PUS7L: variants seen among roughly 807,000 people sequenced by gnomAD.
PUS7L encodes pseudouridylate synthase PUS7L.
In PUS7L, 49 loss-of-function variants were observed where a neutral mutation model predicts 51.1. The ratio of observed to expected loss-of-function variants is 0.96; its 90% confidence interval spans 0.76 to 1.22. PUS7L has a LOEUF of 1.22. PUS7L is among the 50% of genes most tolerant of loss of function. PUS7L has a pLI of 0.00. For synonymous variants in PUS7L, 277 were observed against 276.2 expected (o/e 1.00, Z -0.03); for missense variants, 828 against 820.6 (o/e 1.01, Z -0.11).
At chr12:43,731,425 AG>A (rs1441471408) in intron 8 of PUS7L, among the ~76,000 whole-genome samples, 1 of 152,164 alleles carries the variant, frequency 6.6e-6, no homozygotes, top group African/African-American at 2.4e-5. Flanking sequence ...AGGGGTTGCC[AG>A]GGGTGAGGGA....
rs532812124 is a variant in PUS7L, at chr12:43,720,157, A to G, written c.*10219T>C. On this transcript the variant is annotated 3_prime_UTR_variant, in exon 9 of 9. Coordinates refer to ENST00000344862, the MANE Select transcript of PUS7L (RefSeq NM_031292.5). ...TAGTATGGTTTAATATCATTGACTTAAAAATATTTTCTAATTTCATTTTGT... is the reference window on the plus strand; with the variant it reads ...TAGTATGGTTTAATATCATTGACTTGAAAATATTTTCTAATTTCATTTTGT... 4 of 152,194 alleles carry G rather than the reference A, an allele frequency of 2.6e-5. No homozygotes were observed. Among genetic ancestry groups the G allele is most frequent in the African/African-American group, 9.7e-5 (4 of 41,450 alleles). The allele number at this position is 152,194 out of a possible 1,614,324, so 9.4% of individuals were successfully genotyped here. A position where few individuals can be genotyped will look rare whatever the true frequency, so the allele number is the denominator to read the frequency against.
chr12:43,722,170 A>G lies in PUS7L; in HGVS notation c.*8206T>C, dbSNP rs1592151572. The stretch of plus-strand genomic sequence containing the variant: ...ACAGCTGTAACAAAGGGTATGTACT[A>G]TGGAGTAGTGACAGAAGCCACTTGA... On this transcript the variant is annotated 3_prime_UTR_variant, in exon 9 of 9. Transcript: ENST00000344862. 1 of 152,252 alleles carries G rather than the reference A, an allele frequency of 6.6e-6. No homozygotes were observed. Among genetic ancestry groups the G allele is most frequent in the Non-Finnish European group, 1.5e-5 (1 of 68,002 alleles). The allele number at this position is 152,252 out of a possible 1,614,324, so 9.4% of individuals were successfully genotyped here. A position where few individuals can be genotyped will look rare whatever the true frequency, so the allele number is the denominator to read the frequency against.
chr12:43,752,832 G>C (rs1362645920), intron 2 of PUS7L, among the ~76,000 whole-genome samples: 7 of 152,130 alleles, frequency 4.6e-5, no homozygotes, highest in African/African-American at 1.7e-4. Context: ...CCATGTGACT[G>C]TCCTCAATGC....
In PUS7L at chr12:43,736,307, A is replaced by G; in HGVS notation, c.1725+74T>C. Reference sequence around the variant, plus strand: ...ACATGTATGTTTAAAGTGTTTCTATAATCAGGGCTTTTGAAAAATTCATGT... The same window carrying G: ...ACATGTATGTTTAAAGTGTTTCTATGATCAGGGCTTTTGAAAAATTCATGT... On this transcript the variant is annotated intron_variant, in intron 7 of 8. Coordinates refer to ENST00000344862, the MANE Select transcript of PUS7L (RefSeq NM_031292.5). 6 of 1,242,154 alleles carry G rather than the reference A, an allele frequency of 4.8e-6. No homozygotes were observed. In the Admixed American group the frequency reaches 1.2e-4, roughly 25 times the overall value. 76.9% of individuals were successfully genotyped at this position (1,242,154 alleles called of 1,614,324 possible).
rs1479253900 is a variant in PUS7L at position 43,724,798 on chromosome 12, G to T, written c.*5578C>A. On this transcript the variant is annotated 3_prime_UTR_variant, in exon 9 of 9. Transcript: ENST00000344862. ...TTCATGTATTGGTATCATAATTACT[G>T]CTATGTCTATACTATTATTTATTTA... is the stretch of plus-strand genomic sequence containing the variant. 1 of 152,024 alleles carries T rather than the reference G, an allele frequency of 6.6e-6. No individual in the cohort carries two copies. The highest frequency in any genetic ancestry group is 2.4e-5 in the African/African-American group (1 of 41,412). The allele number at this position is 152,024 out of a possible 1,614,324, so 9.4% of individuals were successfully genotyped here.
rs996404850 is a variant in PUS7L, at chr12:43,724,669, C to T, written c.*5707G>A. 3.3e-5 allele frequency: 5 copies of T among 152,132 alleles called. No individual in the cohort carries two copies. Among genetic ancestry groups the T allele is most frequent in the African/African-American group, 1.2e-4 (5 of 41,454 alleles). The allele number at this position is 152,132 out of a possible 1,614,324, so 9.4% of individuals were successfully genotyped here. ...TACTTCAAGTCCAAGAATTCTACAA[C>T]AGAATCAGTGGGTTACTAAAGTCGC... On this transcript the variant is annotated 3_prime_UTR_variant, in exon 9 of 9. Transcript: ENST00000344862.
intron 3 of PUS7L, among the ~76,000 whole-genome samples, chr12:43,747,837 G>A (rs1938243722): frequency 6.6e-6 from 1 of 152,338 alleles, no homozygotes; most frequent in East Asian, 1.9e-4. Flanking sequence ...CGCCCAGGCT[G>A]GAGTGCAGTT....
chr12:43,752,024 C>A (rs896719664), intron 2 of PUS7L, among the ~76,000 whole-genome samples: 1 of 152,088 alleles, frequency 6.6e-6, no homozygotes, highest in East Asian at 1.9e-4. Context: ...CTGTTCATAT[C>A]CTTTGCCCAC....
chr12:43,733,739 T>A (rs1256947520), intron 7 of PUS7L, among the ~76,000 whole-genome samples: 1 of 152,202 alleles, frequency 6.6e-6, no homozygotes, highest in African/African-American at 2.4e-5. Context: ...ATAACGATTT[T>A]TTATTATTTA....
In PUS7L at chr12:43,719,833, T is replaced by C. The variant is rs1343375181; in HGVS notation, c.*10543A>G. On this transcript the variant is annotated 3_prime_UTR_variant, in exon 9 of 9. Transcript: ENST00000344862. ...TTCCAATTATGATATTGGTTAGTTGTAACTGCATTATTTCCATCAGTCTCA... is the reference window on the plus strand; with the variant it reads ...TTCCAATTATGATATTGGTTAGTTGCAACTGCATTATTTCCATCAGTCTCA... The C allele has an allele frequency of 6.6e-6, 1 of 152,240 alleles. No individual in the cohort carries two copies. Among genetic ancestry groups the C allele is most frequent in the Non-Finnish European group, 1.5e-5 (1 of 68,038 alleles). The allele number at this position is 152,240 out of a possible 1,614,324, so 9.4% of individuals were successfully genotyped here.
chr12:43,719,552 TA>T lies in PUS7L; in HGVS notation c.*10823del, dbSNP rs1565620994. On this transcript the variant is annotated 3_prime_UTR_variant, in exon 9 of 9. Coordinates refer to ENST00000344862, the MANE Select transcript of PUS7L (RefSeq NM_031292.5). ...GAAAGTTTGTGTAGACTTGAATTAT[TA>T]TTTTTTTGAATGTCTAGTAGAACCA... 1.3e-5 allele frequency: 2 copies of T among 152,150 alleles called. No homozygotes were observed. The highest frequency in any genetic ancestry group is 2.9e-5 in the Non-Finnish European group (2 of 68,018). 9.4% of individuals were successfully genotyped at this position (152,150 alleles called of 1,614,324 possible). A position where few individuals can be genotyped will look rare whatever the true frequency, so the allele number is the denominator to read the frequency against.
In PUS7L at chr12:43,758,651, G is replaced by C. The variant is rs1245882255; in HGVS notation, c.-17+79C>G. On this transcript the variant is annotated intron_variant, in intron 1 of 8. Transcript: ENST00000344862. ...GGTATGGATCCTCAATGCCAACCTC[G>C]TCACCCCCCCCCCCCACACACACAC... is the stretch of plus-strand genomic sequence containing the variant. 1.2e-4 allele frequency: 87 copies of C among 756,328 alleles called. No individual in the cohort carries two copies. In the African/African-American group the frequency reaches 3.2e-3, roughly 28 times the overall value. 46.9% of individuals were successfully genotyped at this position (756,328 alleles called of 1,614,324 possible).
chr12:43,752,173 G>A (rs1448137900), intron 2 of PUS7L, among the ~76,000 whole-genome samples: 1 of 152,144 alleles, frequency 6.6e-6, no homozygotes, highest in Non-Finnish European at 1.5e-5. Context: ...ATGGGCTGCA[G>A]TTATTTAAAA....
rs1461559019 is a variant in PUS7L, at chr12:43,724,320, G to T, written c.*6056C>A. On this transcript the variant is annotated 3_prime_UTR_variant, in exon 9 of 9. Coordinates refer to ENST00000344862, the MANE Select transcript of PUS7L (RefSeq NM_031292.5). ...CAAAAAAAAAAACCTCTAAAAATAT[G>T]AATTGTAATTACTTTATGCTAAAAC... The T allele has an allele frequency of 6.6e-6, 1 of 151,334 alleles. No homozygotes were observed. The highest frequency in any genetic ancestry group is 2.4e-5 in the African/African-American group (1 of 41,240). 9.4% of individuals were successfully genotyped at this position (151,334 alleles called of 1,614,324 possible).
chr12:43,731,768 A>T lies in PUS7L; in HGVS notation c.1726-10T>A. The T allele has an allele frequency of 6.6e-7, 1 of 1,518,656 alleles. No homozygotes were observed. Among genetic ancestry groups the T allele is most frequent in the Non-Finnish European group, 9.1e-7 (1 of 1,099,998 alleles). The allele number at this position is 1,518,656 out of a possible 1,614,324, so 94.1% of individuals were successfully genotyped here. ...CAGTTACCAGGTGAATCTAGTTTTA[A>T]AAAACATGAAAATATGAATGATTCC... On this transcript the variant is annotated splice_polypyrimidine_tract_variant and intron_variant, in intron 7 of 8. Coordinates refer to ENST00000344862, the MANE Select transcript of PUS7L (RefSeq NM_031292.5).
intron 4 of PUS7L, among the ~76,000 whole-genome samples, chr12:43,743,821 T>C (rs1406508751): frequency 6.6e-6 from 1 of 152,054 alleles, no homozygotes; most frequent in East Asian, 1.9e-4. Context: ...ATCTCATAAA[T>C]ATTTTTAGTT....
In PUS7L at chr12:43,754,443, C is replaced by T; in HGVS notation, c.803G>A (p.Ser268Asn). ...TACCACCACATTCGGATTACCAGCACTGCAATTCATTTTAGAAAAAGATTT... is the reference window on the plus strand; with the variant it reads ...TACCACCACATTCGGATTACCAGCATTGCAATTCATTTTAGAAAAAGATTT... Reference protein sequence around the residue: ...ETKSFSKMNCSAGNPNVVVTV... With the variant: ...ETKSFSKMNCNAGNPNVVVTV... Residue 268 changes from serine to asparagine, a missense_variant, in exon 2 of 9, where the codon AGT (serine) becomes AAT (asparagine). Coordinates refer to ENST00000344862, the MANE Select transcript of PUS7L (RefSeq NM_031292.5). 1 of 1,613,868 alleles carries T rather than the reference C, an allele frequency of 6.2e-7. No individual in the cohort carries two copies. The highest frequency in any genetic ancestry group is 8.5e-7 in the Non-Finnish European group (1 of 1,179,802).
At chr12:43,747,505 C>T (rs562597271) in intron 3 of PUS7L, among the ~76,000 whole-genome samples, 3 of 151,960 alleles carry the variant, frequency 2.0e-5, no homozygotes, top group African/African-American at 7.2e-5. Context: ...ACCAGCCTGG[C>T]CAACATGGTG....
chr12:43,736,394 A>T lies in PUS7L; in HGVS notation c.1712T>A (p.Phe571Tyr). ...CLDEDIDDEN[F>Y]PNSKIHLVTE... ...AATGATACTTACTTTACTATTTGGG[A>T]AATTCTCGTCATCAATGTCTTCATC... Residue 571 changes from phenylalanine (F) to tyrosine (Y), a missense_variant, in exon 7 of 9, where the codon TTC becomes TAC. Phe to Tyr is a conservative substitution (Grantham distance 22). Transcript: ENST00000344862. 1 of 1,613,632 alleles carries T rather than the reference A, an allele frequency of 6.2e-7. No homozygotes were observed. The highest frequency in any genetic ancestry group is 8.5e-7 in the Non-Finnish European group (1 of 1,179,604).
Sources: gnomAD v4.1 joint callset for allele counts (sites outside exome capture counted in the v4.1 genomes callset) on GRCh38, gnomAD v4.1.1 for gene constraint, MANE v1.5 for transcripts, NCBI Gene and HGNC (gene_info 2026-07-23, HGNC 2026-07-21) for gene names.